The following ZNF98 variants were observed in gnomAD, a reference collection of about 807,000 sequenced individuals.
ZNF98 encodes zinc finger protein 739.
A neutral mutation model predicts 12.8 loss-of-function variants in ZNF98; 8 were observed. The observed-to-expected ratio is 0.63, with a 90% CI of 0.37 to 1.13. The LOEUF (loss-of-function observed/expected upper bound fraction) is 1.13, where lower values mean the gene tolerates loss of function less well. Among genes scored for constraint, ZNF98 ranks in the 50% most tolerant of loss-of-function variants. The pLI is 0.01. For missense variants in ZNF98, 379 were observed against 666.1 expected (o/e 0.57, Z 4.74); for synonymous variants, 112 against 223.5 (o/e 0.50, Z 4.45).
At chr19:22,413,976 A>G (rs1355615047) in intron 1 of ZNF98, among the ~76,000 whole-genome samples, 1 of 151,626 alleles carries the variant, frequency 6.6e-6, no homozygotes, top group Non-Finnish European at 1.5e-5. Context: ...AGTGGCTCAC[A>G]CCCATAATCC....
At chr19:22,395,387 C>CA (rs1181090128) in intron 3 of ZNF98, among the ~76,000 whole-genome samples, 3 of 151,260 alleles carry the variant, frequency 2.0e-5, no homozygotes, top group African/African-American at 7.3e-5. Context: ...AATCTCATTC[C>CA]AGATTACAAT....
chr19:22,393,021 A>C, intron 3 of ZNF98, 40 bp from the exon 4 acceptor site: 1 of 1,438,088 alleles, frequency 7.0e-7, no homozygotes, highest in Non-Finnish European at 9.1e-7. Flanking sequence ...CACTTACTAG[A>C]CTCAGATGAA....
intron 1 of ZNF98, among the ~76,000 whole-genome samples, chr19:22,407,434 C>T (rs1480420165): frequency 1.3e-5 from 2 of 148,160 alleles, no homozygotes; most frequent in African/African-American, 2.5e-5. Flanking sequence ...CATTTCTCGG[C>T]TGGGCACGGT....
intron 3 of ZNF98, 108 bp downstream of exon 3, chr19:22,402,681 C>T: frequency 8.5e-7 from 1 of 1,177,636 alleles, no homozygotes; most frequent in Non-Finnish European, 1.2e-6. Flanking sequence ...GAAACTATTT[C>T]CTTTGGAACA....
rs781330156 is a variant in ZNF98 at position 22,402,872 on chromosome 19, G to A, written c.170C>T (p.Ser57Phe). ...RNLVFVGIAASKPDLITCLEQ... is the reference protein window; with the variant it reads ...RNLVFVGIAAFKPDLITCLEQ... ...CAGACAGGTGATCAGGTCTGGCTTAGAGGCAGCAATACCTGTTTTATTACA... is the reference window on the plus strand; with the variant it reads ...CAGACAGGTGATCAGGTCTGGCTTAAAGGCAGCAATACCTGTTTTATTACA... The change falls in exon 3 of 4, where the codon TCT (serine) becomes TTT (phenylalanine). Residue 57 changes from serine to phenylalanine, a missense_variant. Physicochemically the swap from Ser to Phe is radical, Grantham distance 155. Around this residue, in one of 8 missense-constraint regions of ZNF98, gnomAD observed 223 missense variants for 261.6 expected, o/e 0.85. Coordinates refer to ENST00000357774, the MANE Select transcript of ZNF98 (RefSeq NM_001098626.2). 2.3e-4 allele frequency: 364 copies of A among 1,580,332 alleles called. 1 individual carries two copies. Among genetic ancestry groups the A allele is most frequent in the Non-Finnish European group, 2.5e-4 (293 of 1,170,786 alleles).
At chr19:22,404,235 AAAG>A (rs1969495233) in intron 1 of ZNF98, among the ~76,000 whole-genome samples, 1 of 152,256 alleles carries the variant, frequency 6.6e-6, no homozygotes, top group African/African-American at 2.4e-5. Flanking sequence ...AAAAAAAAGA[AAAG>A]AAAATTTGGA....
chr19:22,407,139 C>G (rs1469550622), intron 1 of ZNF98, among the ~76,000 whole-genome samples: 1 of 151,842 alleles, frequency 6.6e-6, no homozygotes, highest in Non-Finnish European at 1.5e-5. Flanking sequence ...TCACTGCAAC[C>G]TCCGCCTCCT....
At chr19:22,421,415 C>A (rs1471299585) in intron 1 of ZNF98, among the ~76,000 whole-genome samples, 2 of 152,134 alleles carry the variant, frequency 1.3e-5, no homozygotes, top group African/African-American at 4.8e-5. Context: ...AAGGGAAAAT[C>A]AGTCCCACGT....
At chr19:22,407,159 C>T (rs556893893) in intron 1 of ZNF98, among the ~76,000 whole-genome samples, 42 of 151,856 alleles carry the variant, frequency 2.8e-4, no homozygotes, top group African/African-American at 8.4e-4. Context: ...TGGGTTCAAG[C>T]GATTCTGCTG....
rs537991716 is a variant in ZNF98 at position 22,409,587 on chromosome 19, T to A, written c.31-6075A>T. ...AGAATTTACAAGAAACTTTAAAAAA[T>A]TTACAAGAAAAAAACAAACAATTCC... is the stretch of plus-strand genomic sequence containing the variant. On this transcript the variant is annotated intron_variant, in intron 1 of 3. Coordinates refer to ENST00000357774, the MANE Select transcript of ZNF98 (RefSeq NM_001098626.2). 2.3e-4 allele frequency among the ~76,000 whole-genome samples: 35 copies of A among 151,916 alleles called. 1 individual carries two copies. In the South Asian group the frequency reaches 5.8e-3, roughly 25 times the overall value.
chr19:22,419,983 C>T (rs1969686242), intron 1 of ZNF98, among the ~76,000 whole-genome samples: 1 of 151,936 alleles, frequency 6.6e-6, no homozygotes, highest in African/African-American at 2.4e-5. Context: ...TGGTGAAACC[C>T]TGTCTCCACT....
chr19:22,395,277 G>A (rs1187142571), intron 3 of ZNF98, among the ~76,000 whole-genome samples: 2 of 150,712 alleles, frequency 1.3e-5, no homozygotes, highest in Non-Finnish European at 3.0e-5. Flanking sequence ...GAACATGTTT[G>A]AGAGACTCCC....
In ZNF98 at chr19:22,396,394, T is replaced by C. The variant is rs201549623; in HGVS notation, c.254-3413A>G. Among the ~76,000 whole-genome samples, 79 of 151,958 alleles carry C rather than the reference T, an allele frequency of 5.2e-4. No homozygotes were observed. In the East Asian group the frequency reaches 0.013, roughly 26 times the overall value. On this transcript the variant is annotated intron_variant, in intron 3 of 3. Coordinates refer to ENST00000357774, the MANE Select transcript of ZNF98 (RefSeq NM_001098626.2). Reference sequence around the variant, plus strand: ...ACCAAAAAAAAATTCTGTACAAATATACAAAAGTGAATTAGAAATAAGTAA... The same window carrying C: ...ACCAAAAAAAAATTCTGTACAAATACACAAAAGTGAATTAGAAATAAGTAA...
Position 22,392,761 on chromosome 19 carries a change from T to C in ZNF98, c.474A>G (p.Lys158=). The change falls in exon 4 of 4, where the codon AAA becomes AAG. Residue 158 remains lysine (K), a synonymous_variant. Coordinates refer to ENST00000357774, the MANE Select transcript of ZNF98 (RefSeq NM_001098626.2). ...AAAATTTATGAAAGACTTTCACATA[T>C]TTGTCATATTGAAATATTTTGTTCT... ...TTQNKIFQYD[K]YVKVFHKFSN... 1 of 1,611,210 alleles carries C rather than the reference T, an allele frequency of 6.2e-7. No individual in the cohort carries two copies. The highest frequency in any genetic ancestry group is 8.5e-7 in the Non-Finnish European group (1 of 1,178,616).
chr19:22,395,221 G>T (rs10408428), intron 3 of ZNF98, among the ~76,000 whole-genome samples: 63,367 of 146,280 alleles, frequency 0.43, 13,793 homozygotes, highest in Non-Finnish European at 0.46. Context: ...AATAAACTCC[G>T]CTGACTAAAA....
chr19:22,422,170 G>C (rs1032073310), intron 1 of ZNF98, 25 bp downstream of exon 1: 14 of 1,612,704 alleles, frequency 8.7e-6, no homozygotes, highest in Non-Finnish European at 1.2e-5. Flanking sequence ...CTCCTCTCTA[G>C]GGATGTCGGA....
intron 1 of ZNF98, among the ~76,000 whole-genome samples, chr19:22,415,261 G>A (rs1234690926): frequency 1.3e-5 from 2 of 152,052 alleles, no homozygotes; most frequent in Non-Finnish European, 2.9e-5. Context: ...TATACCAGTG[G>A]GAGTGTAAAT....
intron 2 of ZNF98, 107 bp downstream of exon 2, chr19:22,403,279 A>C: frequency 7.4e-7 from 1 of 1,356,806 alleles, no homozygotes; most frequent in Non-Finnish European, 1.0e-6. Context: ...AACAAAAAAA[A>C]AAAACAGAGA....
Position 22,422,218 on chromosome 19 carries a change from C to T in ZNF98, c.7G>A (p.Gly3Arg). 6.2e-7 allele frequency: 1 copy of T among 1,612,774 alleles called. No homozygotes were observed. The highest frequency in any genetic ancestry group is 8.5e-7 in the Non-Finnish European group (1 of 1,179,116). Reference sequence around the variant, plus strand: ...ACCATTTCTAGGCTTCCAAGGGGTCCTGGCATCTTAGCTGTGGATTCCCAA... The same window carrying T: ...ACCATTTCTAGGCTTCCAAGGGGTCTTGGCATCTTAGCTGTGGATTCCCAA... MP[G>R]PLGSLEMGVL... Residue 3 changes from glycine (G) to arginine (R), a missense_variant, in exon 1 of 4, where the codon GGA (glycine) becomes AGA (arginine). Physicochemically the swap from Gly to Arg is moderately radical, Grantham distance 125 (BLOSUM62 -2). Transcript: ENST00000357774.
Sources: gnomAD v4.1 joint callset for allele counts (sites outside exome capture counted in the v4.1 genomes callset) on GRCh38, gnomAD v4.1.1 for gene constraint, gnomAD v4.1.1 regional missense constraint, MANE v1.5 for transcripts, NCBI Gene and HGNC (gene_info 2026-07-23, HGNC 2026-07-21) for gene names.